Variants in XPO1 observed in about 807,000 individuals in gnomAD.
The protein encoded by XPO1 is exportin-1.
A neutral mutation model predicts 133.3 loss-of-function variants in XPO1; 5 were observed. The observed-to-expected ratio is 0.04, with a 90% CI of 0.02 to 0.08. The LOEUF (loss-of-function observed/expected upper bound fraction) is 0.08, where lower values mean the gene tolerates loss of function less well. XPO1 is among the 10% of genes least tolerant of loss of function. The pLI, the probability that XPO1 is intolerant of heterozygous loss-of-function variation, is 1.00. For synonymous variants in XPO1, 419 were observed against 408.2 expected (o/e 1.03, Z -0.32); for missense variants, 506 against 1,267.5 (o/e 0.40, Z 9.12).
intron 11 of XPO1, chr2:61,494,520 C>T (rs964499770): frequency 6.2e-6 from 1 of 160,916 alleles, no homozygotes; most frequent in Non-Finnish European, 1.3e-5. Flanking sequence ...AAACACAACA[C>T]CAAATAAAAG....
chr2:61,498,767 A>G lies in XPO1; in HGVS notation c.665T>C (p.Val222Ala). 4 of 1,614,076 alleles carry G rather than the reference A, an allele frequency of 2.5e-6. No individual in the cohort carries two copies. The highest frequency in any genetic ancestry group is 2.5e-6 in the Non-Finnish European group (3 of 1,179,988). ...GAGCAATGTTTCCAAGGTTGCATGT[A>G]CAAGTGGAGCATTTTGAGAATTTTC... ...VMENSQNAPL[V>A]HATLETLLRF... The change falls in exon 9 of 25, where the codon GTA (valine) becomes GCA (alanine). Residue 222 changes from valine to alanine, a missense_variant. Val to Ala is a moderately conservative substitution (Grantham distance 64, BLOSUM62 0). Coordinates refer to ENST00000401558, the MANE Select transcript of XPO1 (RefSeq NM_003400.4).
rs1203206399 is a variant in XPO1 at position 61,522,613 on chromosome 2, T to G, written c.299A>C (p.Glu100Ala). ...TTTATAATTCTTTATTTTCCTACCT[T>G]CGCACTGGTTCCTTGGAAGAATCTT... ...RWKILPRNQC[E>A]GIKKYVVGLI... The change falls in exon 4 of 25, where the codon GAA becomes GCA. Residue 100 changes from glutamate (E) to alanine (A), a missense_variant and splice_region_variant. By Grantham distance (107) the Glu-to-Ala change is moderately radical. This residue lies in a region of XPO1 where 68 missense variants were observed against 210.5 expected (regional missense o/e 0.32). Coordinates refer to ENST00000401558, the MANE Select transcript of XPO1 (RefSeq NM_003400.4). The G allele has an allele frequency of 6.2e-7, 1 of 1,613,412 alleles. No homozygotes were observed. Among genetic ancestry groups the G allele is most frequent in the Non-Finnish European group, 8.5e-7 (1 of 1,179,560 alleles).
chr2:61,519,795 A>C (rs1698601713), intron 4 of XPO1, among the ~76,000 whole-genome samples: 1 of 152,162 alleles, frequency 6.6e-6, no homozygotes, highest in Non-Finnish European at 1.5e-5. Context: ...ATCAGAAAAA[A>C]AATGCAGGAA....
At chr2:61,515,122 C>G (rs1419611384) in intron 4 of XPO1, among the ~76,000 whole-genome samples, 1 of 147,392 alleles carries the variant, frequency 6.8e-6, no homozygotes, top group Non-Finnish European at 1.5e-5. Flanking sequence ...TCTTACCAAG[C>G]AAGTGACAAC....
Position 61,482,605 on chromosome 2 carries a change from T to G in XPO1, c.2813-66A>C, listed in dbSNP as rs964214015. The G allele has an allele frequency of 4.5e-6, 6 of 1,323,802 alleles. No homozygotes were observed. In the African/African-American group the frequency reaches 1.1e-4, roughly 24 times the overall value. 82.0% of individuals were successfully genotyped at this position (1,323,802 alleles called of 1,614,324 possible). ...TAACTATAGATCTTAGCGTTTTTTT[T>G]TGTTTTGTTTTTTTTTTTTAGACGG... On this transcript the variant is annotated intron_variant, in intron 22 of 24. Coordinates refer to ENST00000401558, the MANE Select transcript of XPO1 (RefSeq NM_003400.4).
At chr2:61,502,439 C>T (rs1697573409) in intron 4 of XPO1, 129 bp from the exon 5 acceptor site, 5 of 892,190 alleles carry the variant, frequency 5.6e-6, no homozygotes, top group Non-Finnish European at 6.7e-6. Context: ...CTAATCCTGT[C>T]ACCAGTATTG....
intron 10 of XPO1, 21 bp from the exon 11 acceptor site, chr2:61,495,634 G>A (rs775620754): frequency 2.8e-5 from 43 of 1,537,304 alleles, no homozygotes; most frequent in South Asian, 7.5e-5. Context: ...TAAAAGGGAC[G>A]ATCAGTTCGC....
rs984947360 is a variant in XPO1, at chr2:61,497,942, C to A, written c.759+731G>T. On this transcript the variant is annotated intron_variant, in intron 9 of 24. Transcript: ENST00000401558. The stretch of plus-strand genomic sequence containing the variant: ...AACTGATCATTCAAATACTATAAAT[C>A]CATATTATCTTACCAAACTAAACTA... 5.3e-5 allele frequency among the ~76,000 whole-genome samples: 8 copies of A among 152,280 alleles called. No homozygotes were observed. The South Asian group carries it at 1.4e-3, about 28-fold the overall frequency.
At chr2:61,506,499 T>G (rs1439455516) in intron 4 of XPO1, among the ~76,000 whole-genome samples, 1 of 147,338 alleles carries the variant, frequency 6.8e-6, no homozygotes, top group Non-Finnish European at 1.5e-5. Context: ...CCTGGGAAGC[T>G]GAGGCAGGAG....
chr2:61,479,261 C>A (rs948177570), intron 24 of XPO1, among the ~76,000 whole-genome samples: 1 of 151,998 alleles, frequency 6.6e-6, no homozygotes. Flanking sequence ...TGTCAGGAGA[C>A]CACCCTGGCC....
Position 61,492,576 on chromosome 2 carries a change from A to G in XPO1, c.1557T>C (p.Thr519=), listed in dbSNP as rs1697049974. 2.5e-6 allele frequency: 4 copies of G among 1,612,202 alleles called. No individual in the cohort carries two copies. The highest frequency in any genetic ancestry group is 3.4e-6 in the Non-Finnish European group (4 of 1,179,442). ...CCTATCCCTTGCATACCTTTATAAC[A>G]GTAACAAGAAATCGTTTTTCGTCCT... ...HEEDEKRFLV[T]VIKDLLGLCE... Residue 519 remains threonine (T), a synonymous_variant, in exon 14 of 25, where the codon ACT becomes ACC. Coordinates refer to ENST00000401558, the MANE Select transcript of XPO1 (RefSeq NM_003400.4). This position sits in a 1 kb window ranked among gnomAD's most constrained non-coding sequence, Gnocchi z 5.6.
At chr2:61,535,292 A>G (rs1158028133) in intron 1 of XPO1, among the ~76,000 whole-genome samples, 1 of 152,188 alleles carries the variant, frequency 6.6e-6, no homozygotes, top group African/African-American at 2.4e-5. Flanking sequence ...AATAGCTCTA[A>G]CCCAGTTTTT....
At chr2:61,531,675 C>T (rs529125816) in intron 2 of XPO1, among the ~76,000 whole-genome samples, 8 of 152,296 alleles carry the variant, frequency 5.3e-5, no homozygotes, top group African/African-American at 1.9e-4. Context: ...TCCAATATTA[C>T]ATTCAGAGTT....
chr2:61,496,846 A>C, intron 10 of XPO1, 33 bp downstream of exon 10: 1 of 1,484,338 alleles, frequency 6.7e-7, no homozygotes, highest in Non-Finnish European at 9.0e-7. Context: ...CACTAAAATT[A>C]TTCAGCCAAT....
intron 4 of XPO1, among the ~76,000 whole-genome samples, chr2:61,520,976 A>C (rs1218078690): frequency 6.6e-6 from 1 of 152,218 alleles, no homozygotes; most frequent in African/African-American, 2.4e-5. Flanking sequence ...CTGAAGAATA[A>C]AGTATGAAGG....
At chr2:61,488,102 T>G in intron 19 of XPO1, 63 bp downstream of exon 19, 1 of 1,401,886 alleles carries the variant, frequency 7.1e-7, no homozygotes, top group Non-Finnish European at 1.0e-6. Flanking sequence ...TAATAGAGTA[T>G]AGCATATTCC....
chr2:61,479,278 G>T (rs1386373061), intron 24 of XPO1, among the ~76,000 whole-genome samples: 2 of 152,010 alleles, frequency 1.3e-5, no homozygotes, highest in Admixed American at 1.3e-4. Context: ...GGCCAACATG[G>T]TGAAACCCTG....
At chr2:61,488,516 T>TG in intron 18 of XPO1, 72 bp downstream of exon 18, 2 of 1,462,058 alleles carry the variant, frequency 1.4e-6, no homozygotes, top group Non-Finnish European at 1.9e-6. Flanking sequence ...AAACATCAAA[T>TG]GTTTGACTTA....
At chr2:61,524,247 C>G (rs981240666) in intron 3 of XPO1, among the ~76,000 whole-genome samples, 5 of 152,118 alleles carry the variant, frequency 3.3e-5, no homozygotes, top group Admixed American at 3.3e-4. Context: ...CACTAAGAAA[C>G]AAAACCCACC....
Sources: gnomAD v4.1 joint callset for allele counts (sites outside exome capture counted in the v4.1 genomes callset) on GRCh38, gnomAD v4.1.1 for gene constraint, gnomAD v4.1.1 regional missense constraint, Gnocchi (gnomAD v3.1) non-coding constraint, MANE v1.5 for transcripts, NCBI Gene and HGNC (gene_info 2026-07-23, HGNC 2026-07-21) for gene names.